SEMA3A: variants seen among roughly 807,000 people sequenced by gnomAD.
SEMA3A encodes semaphorin-3A.
In SEMA3A, 29 loss-of-function variants were observed where a neutral mutation model predicts 97.9. That is an observed-to-expected ratio of 0.30 (90% CI 0.22 to 0.40). The LOEUF is 0.40. SEMA3A is among the 10% of genes least tolerant of loss of function. SEMA3A has a pLI of 1.00. For synonymous variants in SEMA3A, 321 were observed against 323.7 expected (o/e 0.99, Z 0.09); for missense variants, 763 against 951.3 (o/e 0.80, Z 2.60).
In SEMA3A at chr7:84,376,739, C is replaced by T. The variant is rs184815264; in HGVS notation, c.-245-4839G>A. On this transcript the variant is annotated intron_variant, in intron 1 of 3. Transcript: ENST00000424555. ...CATTCTGGTTTTGATTTGCATTTCC[C>T]TGATGATTAGCAATGTTAAGCATTT... 3.3e-5 allele frequency among the ~76,000 whole-genome samples: 5 copies of T among 151,464 alleles called. No individual in the cohort carries two copies. In the East Asian group the frequency reaches 7.8e-4, roughly 24 times the overall value.
intron 2 of SEMA3A, among the ~76,000 whole-genome samples, chr7:84,341,626 A>G (rs1432258052): frequency 6.6e-6 from 1 of 151,950 alleles, no homozygotes; most frequent in African/African-American, 2.4e-5. Flanking sequence ...CTCTGTCTCT[A>G]CTTCTGCCCG....
chr7:84,190,872 T>C (rs1318057213), intron 1 of SEMA3A, among the ~76,000 whole-genome samples: 3 of 150,692 alleles, frequency 2.0e-5, no homozygotes, highest in Non-Finnish European at 3.0e-5. Context: ...ATTTTCTGAA[T>C]TATAAAATCA....
At chr7:84,018,801 A>T (rs1263438933) in intron 6 of SEMA3A, among the ~76,000 whole-genome samples, 1 of 152,190 alleles carries the variant, frequency 6.6e-6, no homozygotes, top group Non-Finnish European at 1.5e-5. Context: ...GTTCAGAAAT[A>T]TATCTGGCCT....
At chr7:84,173,025 A>C (rs1186645052) in intron 1 of SEMA3A, among the ~76,000 whole-genome samples, 3 of 152,180 alleles carry the variant, frequency 2.0e-5, no homozygotes, top group African/African-American at 7.2e-5. Flanking sequence ...CCTGTCCACA[A>C]GGTAAAGGGT....
intron 2 of SEMA3A, among the ~76,000 whole-genome samples, chr7:84,325,054 A>C (rs771985297): frequency 6.6e-6 from 1 of 152,150 alleles, no homozygotes; most frequent in Non-Finnish European, 1.5e-5. Flanking sequence ...TATATACCAT[A>C]ACTTATGTTT....
At chr7:84,133,761 T>C (rs2116039021) in intron 2 of SEMA3A, among the ~76,000 whole-genome samples, 1 of 151,764 alleles carries the variant, frequency 6.6e-6, no homozygotes, top group East Asian at 1.9e-4. Context: ...ACTGTATAGC[T>C]TATAAAAGGC....
intron 4 of SEMA3A, among the ~76,000 whole-genome samples, chr7:84,085,856 G>A (rs1344768898): frequency 1.3e-5 from 2 of 152,114 alleles, no homozygotes; most frequent in African/African-American, 4.8e-5. Context: ...CTTGTTGTTA[G>A]TCAGAAGCTC....
At chr7:84,464,903 C>T (rs1283413235) in intron 1 of SEMA3A, among the ~76,000 whole-genome samples, 2 of 152,044 alleles carry the variant, frequency 1.3e-5, no homozygotes, top group Admixed American at 6.6e-5. Flanking sequence ...AAGAAAGATA[C>T]GTTTAAAGTA....
At chr7:84,463,237 CTTT>C (rs59465422) in intron 1 of SEMA3A, among the ~76,000 whole-genome samples, 7 of 71,350 alleles carry the variant, frequency 9.8e-5, no homozygotes, top group African/African-American at 2.2e-4. Flanking sequence ...TGTAACTATT[CTTT>C]TTTTTTTTTT....
At chr7:84,018,548 C>T (rs550823732) in intron 6 of SEMA3A, among the ~76,000 whole-genome samples, 52 of 152,074 alleles carry the variant, frequency 3.4e-4, no homozygotes, top group Middle Eastern at 6.8e-3. Context: ...GAAAAAAATG[C>T]CATGGGAGAT....
intron 2 of SEMA3A, among the ~76,000 whole-genome samples, chr7:84,369,507 A>C (rs552476969): frequency 6.6e-6 from 1 of 151,364 alleles, no homozygotes; most frequent in African/African-American, 2.4e-5. Flanking sequence ...CTTGGTACGA[A>C]AGAAGAATCT....
At chr7:84,160,183 C>T (rs1796980464) in intron 1 of SEMA3A, among the ~76,000 whole-genome samples, 2 of 152,042 alleles carry the variant, frequency 1.3e-5, no homozygotes, top group Non-Finnish European at 2.9e-5. Context: ...TAAATGTTTA[C>T]TATAGACTAT....
intron 4 of SEMA3A, among the ~76,000 whole-genome samples, chr7:84,062,625 G>A (rs540513834): frequency 0.014 from 2,170 of 152,314 alleles, 50 homozygotes; most frequent in African/African-American, 0.05. Flanking sequence ...AGGGGTCAGG[G>A]AGTTCCCTTT....
At position 84,028,921 on chromosome 7, in the gene SEMA3A, A is replaced by G. The variant is rs141208778; in HGVS notation, c.668-14570T>C. Among the ~76,000 whole-genome samples the G allele has an allele frequency of 1.5e-3, 223 of 152,202 alleles. 2 individuals are homozygous for G. The East Asian group carries it at 0.016, about 11-fold the overall frequency. On this transcript the variant is annotated intron_variant, in intron 6 of 16. Transcript: ENST00000265362. ...GGCGTGAGCCACAGTGCCTGACCAT[A>G]AGGTTTATTTTTTAAGACAATTAAT...
intron 2 of SEMA3A, among the ~76,000 whole-genome samples, chr7:84,312,911 T>C (rs1257574254): frequency 2.1e-4 from 11 of 51,818 alleles, no homozygotes; most frequent in East Asian, 2.0e-3. Flanking sequence ...TATATATATA[T>C]ATATATATAT....
At chr7:84,470,869 T>C (rs1806128637) in intron 1 of SEMA3A, among the ~76,000 whole-genome samples, 1 of 152,076 alleles carries the variant, frequency 6.6e-6, no homozygotes, top group Admixed American at 6.6e-5. Flanking sequence ...TGACATCTTT[T>C]TTTAAATAAT....
chr7:84,481,381 A>G (rs1211236571), intron 1 of SEMA3A, among the ~76,000 whole-genome samples: 1 of 152,170 alleles, frequency 6.6e-6, no homozygotes, highest in East Asian at 1.9e-4. Context: ...ATGTTTTCCT[A>G]AAGGAAATAA....
At chr7:84,351,198 T>C (rs1230504837) in intron 2 of SEMA3A, among the ~76,000 whole-genome samples, 3 of 152,044 alleles carry the variant, frequency 2.0e-5, no homozygotes, top group Non-Finnish European at 4.4e-5. Context: ...AATGCCAACA[T>C]TTCTAATGAT....
intron 3 of SEMA3A, among the ~76,000 whole-genome samples, chr7:84,126,024 T>A (rs185451853): frequency 6.6e-6 from 1 of 152,092 alleles, no homozygotes; most frequent in Non-Finnish European, 1.5e-5. Flanking sequence ...CATTAAGGAG[T>A]GTTGAATTAA....
Sources: allele counts gnomAD v4.1 joint callset (sites outside exome capture counted in the v4.1 genomes callset), GRCh38; gene constraint gnomAD v4.1.1; transcripts MANE v1.5; gene names NCBI Gene and HGNC (gene_info 2026-07-23, HGNC 2026-07-21).